BMPR2: variants seen among roughly 807,000 people sequenced by gnomAD.
BMPR2 encodes bone morphogenetic protein receptor type-2.
A neutral mutation model predicts 100.8 loss-of-function variants in BMPR2; 29 were observed. The observed-to-expected ratio is 0.29, with a 90% CI of 0.21 to 0.39. BMPR2 has a LOEUF of 0.39. BMPR2 is among the 10% of genes least tolerant of loss of function. The pLI is 1.00. For synonymous variants in BMPR2, 382 were observed against 442.3 expected, an observed-to-expected ratio of 0.86 and a Z score of 1.71; for missense variants, 1,011 against 1,274.5, an observed-to-expected ratio of 0.79 and a Z score of 3.15.
At chr2:202,409,878 T>G (rs1690977974) in intron 1 of BMPR2, among the ~76,000 whole-genome samples, 1 of 152,116 alleles carries the variant, frequency 6.6e-6, no homozygotes, top group Admixed American at 6.6e-5. Context: ...AATTAGAAAA[T>G]ATTGTGGATA....
intron 1 of BMPR2, among the ~76,000 whole-genome samples, chr2:202,453,982 A>G (rs1692038336): frequency 3.3e-5 from 5 of 152,160 alleles, no homozygotes; most frequent in Admixed American, 3.3e-4. Flanking sequence ...TTTGTAAGAG[A>G]TGCTATCAAG....
At chr2:202,439,815 C>G (rs1691695998) in intron 1 of BMPR2, among the ~76,000 whole-genome samples, 1 of 147,330 alleles carries the variant, frequency 6.8e-6, no homozygotes, top group African/African-American at 2.6e-5. Flanking sequence ...TTGGCAGGGT[C>G]ATAGGACAAT....
chr2:202,511,962 A>G (rs753458777), intron 3 of BMPR2, among the ~76,000 whole-genome samples: 5 of 151,980 alleles, frequency 3.3e-5, no homozygotes, highest in Non-Finnish European at 7.4e-5. Flanking sequence ...TGGAGTTTGC[A>G]GTGAGCTGAG....
At chr2:202,479,128 G>A (rs757663792) in intron 3 of BMPR2, among the ~76,000 whole-genome samples, 4 of 152,106 alleles carry the variant, frequency 2.6e-5, no homozygotes, top group Non-Finnish European at 4.4e-5. Context: ...TCTGTAATTA[G>A]GTTTTAAAAG....
intron 1 of BMPR2, among the ~76,000 whole-genome samples, chr2:202,446,104 T>C (rs922692912): frequency 6.6e-6 from 1 of 150,428 alleles, no homozygotes; most frequent in Non-Finnish European, 1.5e-5. Flanking sequence ...AATTTGAAAT[T>C]TGAAAATTAA....
Position 202,555,553 on chromosome 2 carries a change from T to G in BMPR2, c.1888T>G (p.Ser630Ala), listed in dbSNP as rs781214206. Residue 630 changes from serine to alanine, a missense_variant, in exon 12 of 13, where the codon TCT becomes GCT. Around this residue, in one of 6 missense-constraint regions of BMPR2, gnomAD observed 508 missense variants for 552.0 expected, o/e 0.92. Coordinates refer to ENST00000374580, the MANE Select transcript of BMPR2 (RefSeq NM_001204.7). ...GCCAAGTACTGGCATGACTACTATA[T>G]CTGAGATGCCATACCCAGATGAAAC... Reference protein sequence around the residue: ...LTPSTGMTTISEMPYPDETNL... With the variant: ...LTPSTGMTTIAEMPYPDETNL... The G allele has an allele frequency of 6.2e-7, 1 of 1,614,080 alleles. No homozygotes were observed. Among genetic ancestry groups the G allele is most frequent in the Non-Finnish European group, 8.5e-7 (1 of 1,180,032 alleles).
intron 1 of BMPR2, among the ~76,000 whole-genome samples, chr2:202,398,309 TAATATA>T (rs986283901): frequency 7.9e-5 from 12 of 151,364 alleles, no homozygotes; most frequent in Non-Finnish European, 7.4e-5. Context: ...CAAAACAAAA[TAATATA>T]AAGATTTCCT....
intron 1 of BMPR2, among the ~76,000 whole-genome samples, chr2:202,384,569 T>TTTCTTTCTTTCTCTTTC (rs138215628): frequency 1.1e-5 from 1 of 93,594 alleles, no homozygotes; most frequent in Admixed American, 1.1e-4. Context: ...TCTTTCTTTC[T>TTTCTTTCTTTCTCTTTC]TTTTCTTTCT....
At chr2:202,518,729 G>A (rs746975818) in intron 5 of BMPR2, 93 bp from the exon 6 acceptor site, 4 of 994,244 alleles carry the variant, frequency 4.0e-6, no homozygotes, top group Admixed American at 3.9e-5. Flanking sequence ...ACAGAGAGCT[G>A]TAGCATTCTG....
At chr2:202,448,300 A>T (rs1691896664) in intron 1 of BMPR2, among the ~76,000 whole-genome samples, 1 of 150,956 alleles carries the variant, frequency 6.6e-6, no homozygotes, top group South Asian at 2.1e-4. Context: ...ATACAAAAAA[A>T]ATTAGCCGGG....
intron 3 of BMPR2, among the ~76,000 whole-genome samples, chr2:202,487,315 A>G (rs1392759845): frequency 1.3e-5 from 2 of 152,174 alleles, no homozygotes; most frequent in Non-Finnish European, 2.9e-5. Flanking sequence ...GGGCACTTCT[A>G]ATGAATTTGT....
At chr2:202,397,920 A>T (rs1162261138) in intron 1 of BMPR2, among the ~76,000 whole-genome samples, 1 of 151,870 alleles carries the variant, frequency 6.6e-6, no homozygotes, top group Non-Finnish European at 1.5e-5. Flanking sequence ...CAGGAGTTTG[A>T]GACCAGCCTG....
chr2:202,463,461 A>T (rs1280737956), intron 1 of BMPR2, among the ~76,000 whole-genome samples: 1 of 152,230 alleles, frequency 6.6e-6, no homozygotes, highest in Non-Finnish European at 1.5e-5. Context: ...CAGAAACATT[A>T]TTTAAATAAA....
chr2:202,555,181 G>T, intron 11 of BMPR2, 71 bp from the exon 12 acceptor site: 1 of 1,332,888 alleles, frequency 7.5e-7, no homozygotes, highest in South Asian at 1.2e-5. Flanking sequence ...AAAATCAGAG[G>T]TGTTAAATTT....
chr2:202,451,414 T>G (rs1691979422), intron 1 of BMPR2, among the ~76,000 whole-genome samples: 1 of 152,138 alleles, frequency 6.6e-6, no homozygotes, highest in South Asian at 2.1e-4. Flanking sequence ...ACTGTACAAT[T>G]CCAGCCGGAC....
At chr2:202,522,933 C>T (rs1687844769) in intron 7 of BMPR2, among the ~76,000 whole-genome samples, 2 of 152,156 alleles carry the variant, frequency 1.3e-5, no homozygotes, top group Admixed American at 6.5e-5. Context: ...AGAAACTATC[C>T]ACGGAGTAAA....
In BMPR2 at chr2:202,560,856, A is replaced by G. The variant is rs1209246077; in HGVS notation, c.*910A>G. 6.6e-6 allele frequency: 1 copy of G among 152,200 alleles called. No homozygotes were observed. Among genetic ancestry groups the G allele is most frequent in the East Asian group, 1.9e-4 (1 of 5,196 alleles). 9.4% of individuals were successfully genotyped at this position (152,200 alleles called of 1,614,324 possible). A position where few individuals can be genotyped will look rare whatever the true frequency, so the allele number is the denominator to read the frequency against. On this transcript the variant is annotated 3_prime_UTR_variant, in exon 13 of 13. Coordinates refer to ENST00000374580, the MANE Select transcript of BMPR2 (RefSeq NM_001204.7). ...ATTTCCCATTTTATTTTATTTTTCT[A>G]TGTAGGTTCATGTTCCATGTTCATT...
intron 3 of BMPR2, among the ~76,000 whole-genome samples, chr2:202,511,488 C>G (rs1028879530): frequency 6.6e-6 from 1 of 152,144 alleles, no homozygotes; most frequent in African/African-American, 2.4e-5. Context: ...AACTCACAAA[C>G]TGTTTTCTAC....
At chr2:202,507,105 A>G (rs1687534937) in intron 3 of BMPR2, among the ~76,000 whole-genome samples, 1 of 151,374 alleles carries the variant, frequency 6.6e-6, no homozygotes, top group Admixed American at 6.6e-5. Flanking sequence ...AATTCATTAA[A>G]TGTTCAGCTG....
Sources: gnomAD v4.1 joint callset for allele counts (sites outside exome capture counted in the v4.1 genomes callset) on GRCh38, gnomAD v4.1.1 for gene constraint, gnomAD v4.1.1 regional missense constraint, MANE v1.5 for transcripts, NCBI Gene and HGNC (gene_info 2026-07-23, HGNC 2026-07-21) for gene names.